WWOX: variants seen among roughly 807,000 people sequenced by gnomAD.
The protein encoded by WWOX is WW domain-containing oxidoreductase.
Under a neutral mutation model 46.2 loss-of-function variants are expected in WWOX, and 69 were observed. The ratio of observed to expected loss-of-function variants is 1.49; its 90% CI spans 1.23 to 1.82. The LOEUF is 1.82. Ranked by LOEUF, WWOX falls within the 40% of genes most tolerant of loss-of-function variation. WWOX has a pLI of 0.00. For missense variants in WWOX, 919 were observed against 542.6 expected (o/e 1.69, Z -6.89); for synonymous variants, 359 against 202.6 (o/e 1.77, Z -6.56).
At chr16:78,704,518 G>C (rs1208318550) in intron 8 of WWOX, among the ~76,000 whole-genome samples, 1 of 152,132 alleles carries the variant, frequency 6.6e-6, no homozygotes, top group Non-Finnish European at 1.5e-5. Flanking sequence ...GCAACAACGA[G>C]ACTTAGTATC....
chr16:78,794,836 C>A (rs1192215636), intron 8 of WWOX, among the ~76,000 whole-genome samples: 2 of 152,228 alleles, frequency 1.3e-5, no homozygotes, highest in African/African-American at 4.8e-5. Context: ...CACAGAACTG[C>A]CAACTGTGGC....
intron 8 of WWOX, among the ~76,000 whole-genome samples, chr16:79,110,321 C>T (rs916246379): frequency 3.3e-5 from 5 of 152,078 alleles, no homozygotes; most frequent in African/African-American, 4.8e-5. Flanking sequence ...TTTTTCTCCC[C>T]GACATGCCCC....
At chr16:78,369,492 C>T (rs891750819) in intron 5 of WWOX, among the ~76,000 whole-genome samples, 58 of 152,288 alleles carry the variant, frequency 3.8e-4, no homozygotes, top group African/African-American at 1.3e-3. Context: ...GGTCGAGTCT[C>T]CTCAGGCACA....
intron 8 of WWOX, among the ~76,000 whole-genome samples, chr16:78,561,998 G>T (rs1457908112): frequency 6.6e-6 from 1 of 152,172 alleles, no homozygotes; most frequent in Non-Finnish European, 1.5e-5. Context: ...TTGACATTCA[G>T]GATTGCTATA....
intron 8 of WWOX, among the ~76,000 whole-genome samples, chr16:78,876,178 C>T (rs983806775): frequency 7.3e-5 from 11 of 151,302 alleles, no homozygotes; most frequent in Admixed American, 4.0e-4. Flanking sequence ...TACGTTTTAA[C>T]AACGGAAAAC....
intron 8 of WWOX, among the ~76,000 whole-genome samples, chr16:78,814,604 A>C (rs970503374): frequency 1.3e-5 from 2 of 152,150 alleles, no homozygotes; most frequent in African/African-American, 4.8e-5. Context: ...TTCAAGATGT[A>C]TCCTTTGTGG....
chr16:78,836,791 A>G (rs906390402), intron 8 of WWOX, among the ~76,000 whole-genome samples: 6 of 152,170 alleles, frequency 3.9e-5, no homozygotes, highest in South Asian at 2.1e-4. Flanking sequence ...TAATTATTCT[A>G]TACACCAAAA....
chr16:78,409,857 G>T (rs2151949083), intron 6 of WWOX, among the ~76,000 whole-genome samples: 1 of 152,252 alleles, frequency 6.6e-6, no homozygotes, highest in African/African-American at 2.4e-5. Context: ...TTTCCCTCTA[G>T]CCACAATCGG....
intron 8 of WWOX, among the ~76,000 whole-genome samples, chr16:79,150,964 C>G (rs568839975): frequency 8.0e-4 from 122 of 152,306 alleles, no homozygotes; most frequent in African/African-American, 2.8e-3. Context: ...ATTCTAGGCT[C>G]TTTTCATTTC....
chr16:78,611,539 C>G (rs2045900421), intron 8 of WWOX, among the ~76,000 whole-genome samples: 1 of 152,218 alleles, frequency 6.6e-6, no homozygotes, highest in Admixed American at 6.5e-5. Context: ...TACTGGCCAG[C>G]TCTGTATGGC....
intron 8 of WWOX, among the ~76,000 whole-genome samples, chr16:79,055,048 G>T (rs1045142164): frequency 6.6e-6 from 1 of 152,058 alleles, no homozygotes; most frequent in African/African-American, 2.4e-5. Flanking sequence ...TATATATTTC[G>T]TCAGAGACCT....
intron 8 of WWOX, among the ~76,000 whole-genome samples, chr16:79,170,861 T>A (rs2050686903): frequency 6.6e-6 from 1 of 152,226 alleles, no homozygotes; most frequent in Non-Finnish European, 1.5e-5. Context: ...CTCGTGATTC[T>A]TCATCAACTT....
intron 8 of WWOX, among the ~76,000 whole-genome samples, chr16:78,827,133 G>A (rs1402311083): frequency 1.3e-5 from 2 of 152,098 alleles, no homozygotes; most frequent in African/African-American, 2.4e-5. Flanking sequence ...TTTCTGTGGG[G>A]GCTAAATCAA....
chr16:78,846,459 A>T (rs988087856), intron 8 of WWOX, among the ~76,000 whole-genome samples: 1 of 151,924 alleles, frequency 6.6e-6, no homozygotes, highest in African/African-American at 2.4e-5. Context: ...GAAATTTTTG[A>T]AGAGTTCCGG....
intron 8 of WWOX, among the ~76,000 whole-genome samples, chr16:78,948,258 A>C (rs35225269): frequency 0.13 from 20,384 of 152,180 alleles, 1,868 homozygotes; most frequent in Non-Finnish European, 0.2. Flanking sequence ...TGGCACCACT[A>C]GCTATTATTT....
In WWOX at chr16:78,279,409, A is replaced by C. The variant is rs2079637875; in HGVS notation, c.517-107451A>C. Among the ~76,000 whole-genome samples, 4 of 152,198 alleles carry C rather than the reference A, an allele frequency of 2.6e-5. No homozygotes were observed. In the South Asian group the frequency reaches 6.2e-4, roughly 24 times the overall value. On this transcript the variant is annotated intron_variant, in intron 5 of 8. Coordinates refer to ENST00000566780, the MANE Select transcript of WWOX (RefSeq NM_016373.4). ...TTTTGTCTCTATCTTTCATGGAAAA[A>C]AGAAATATTCCCAAAGTATATTATA...
At chr16:78,935,104 A>T (rs2045708359) in intron 8 of WWOX, among the ~76,000 whole-genome samples, 1 of 152,200 alleles carries the variant, frequency 6.6e-6, no homozygotes, top group Non-Finnish European at 1.5e-5. Context: ...TCAGGAAAAA[A>T]CAGGTCCTGG....
intron 5 of WWOX, among the ~76,000 whole-genome samples, chr16:78,207,796 A>G (rs1182086767): frequency 6.7e-6 from 1 of 148,448 alleles, no homozygotes; most frequent in East Asian, 2.0e-4. Flanking sequence ...GTTATCAACC[A>G]TGCTTTTTTA....
At position 78,349,489 on chromosome 16, in the gene WWOX, C is replaced by T. The variant is rs777127414; in HGVS notation, c.517-37371C>T. Among the ~76,000 whole-genome samples the T allele has an allele frequency of 5.0e-5, 6 of 120,520 alleles. 2 individuals carry two copies. The highest frequency in any genetic ancestry group is 8.4e-5 in the African/African-American group (3 of 35,576). 79.1% of individuals were successfully genotyped at this position (120,520 alleles called of 152,430 possible). ...CATCTGCATCCTTATCTCACTTAAT[C>T]CTTGCCCCACCCTTTAGAAGAAGCC... is the stretch of plus-strand genomic sequence containing the variant. On this transcript the variant is annotated intron_variant, in intron 5 of 8. Transcript: ENST00000566780.
Sources: allele counts gnomAD v4.1 joint callset (sites outside exome capture counted in the v4.1 genomes callset), GRCh38; gene constraint gnomAD v4.1.1; transcripts MANE v1.5; gene names NCBI Gene and HGNC (gene_info 2026-07-23, HGNC 2026-07-21).